The following NOTCH2 variants were observed in gnomAD, a reference collection of about 807,000 sequenced individuals.
The protein encoded by NOTCH2 is notch receptor 2.
A neutral mutation model predicts 235.8 loss-of-function variants in NOTCH2; 29 were observed. The ratio of observed to expected loss-of-function variants is 0.12; its 90% CI spans 0.09 to 0.17. The LOEUF (loss-of-function observed/expected upper bound fraction) is 0.17. NOTCH2 is among the 10% of genes least tolerant of loss of function. The pLI is 1.00. For synonymous variants in NOTCH2, 1,086 were observed against 1,141.5 expected (o/e 0.95, Z 0.98); for missense variants, 2,285 against 3,150.2 (o/e 0.73, Z 6.57).
Position 119,963,166 on chromosome 1 carries a change from A to AGAAGGAAGGAAGGAAG in NOTCH2, c.1915+407_1915+408insCTTCCTTCCTTCCTTC, listed in dbSNP as rs782001960. Among the ~76,000 whole-genome samples, 86 of 93,642 alleles carry AGAAGGAAGGAAGGAAG rather than the reference A, an allele frequency of 9.2e-4. 1 individual carries two copies. Among genetic ancestry groups the AGAAGGAAGGAAGGAAG allele is most frequent in the African/African-American group, 2.3e-3 (82 of 35,202 alleles). The allele number at this position is 93,642 out of a possible 152,430, so 61.4% of individuals were successfully genotyped here. On this transcript the variant is annotated intron_variant, in intron 11 of 33. Coordinates refer to ENST00000256646, the MANE Select transcript of NOTCH2 (RefSeq NM_024408.4). Reference sequence around the variant, plus strand: ...TACATTAAAGGAAGGGAAGAAGGGAAGAAGGAAGGTAGGTAGGAAGGAAGG... The same window carrying AGAAGGAAGGAAGGAAG: ...TACATTAAAGGAAGGGAAGAAGGGAAGAAGGAAGGAAGGAAGGAAGGAAGGTAGGTAGGAAGGAAGG...
At chr1:119,935,103 C>A (rs907619375) in intron 22 of NOTCH2, 2 of 985,116 alleles carry the variant, frequency 2.0e-6, no homozygotes, top group African/African-American at 3.5e-5. Flanking sequence ...TAAAAAAATA[C>A]AAAAGCAGGT....
Position 119,914,765 on chromosome 1 carries a change from T to C in NOTCH2, c.*541A>G, listed in dbSNP as rs985369641. 3 of 254,248 alleles carry C rather than the reference T, an allele frequency of 1.2e-5. No homozygotes were observed. The highest frequency in any genetic ancestry group is 2.2e-5 in the African/African-American group (1 of 45,710). 15.7% of individuals were successfully genotyped at this position (254,248 alleles called of 1,614,324 possible). On this transcript the variant is annotated 3_prime_UTR_variant, in exon 34 of 34. Coordinates refer to ENST00000256646, the MANE Select transcript of NOTCH2 (RefSeq NM_024408.4). ...AAGTTGCTTTCATGGGCCAGAATGATCAAAAGCACAAAGGTCTTGCCCTAT... is the reference window on the plus strand; with the variant it reads ...AAGTTGCTTTCATGGGCCAGAATGACCAAAAGCACAAAGGTCTTGCCCTAT...
intron 3 of NOTCH2, among the ~76,000 whole-genome samples, chr1:120,003,443 T>G (rs1553205795): frequency 2.0e-5 from 3 of 151,660 alleles, no homozygotes; most frequent in Non-Finnish European, 4.4e-5. Flanking sequence ...ATATATTCCA[T>G]TAGTTCCATC....
chr1:119,972,868 T>G (rs1651419106), intron 5 of NOTCH2, among the ~76,000 whole-genome samples: 1 of 152,202 alleles, frequency 6.6e-6, no homozygotes, highest in East Asian at 1.9e-4. Context: ...CATCTCTGCA[T>G]GTCTCGGGCT....
Position 119,950,818 on chromosome 1 carries a change from A to C in NOTCH2, c.2385T>G (p.Asn795Lys), listed in dbSNP as rs1650443318. 6.2e-7 allele frequency: 1 copy of C among 1,613,294 alleles called. No homozygotes were observed. The highest frequency in any genetic ancestry group is 8.5e-7 in the Non-Finnish European group (1 of 1,179,282). ...KGFKGYNCQV[N>K]IDECASNPCL... ...ATGGATTTGAGGCACATTCATCAAT[A>C]TTCACCTGGCAGTTATAGCCTGTAG... Residue 795 changes from asparagine to lysine, a missense_variant, in exon 15 of 34, where the codon AAT becomes AAG. By Grantham distance (94) the Asn-to-Lys change is moderately conservative (BLOSUM62 0). Transcript: ENST00000256646.
rs1652670614 is a variant in NOTCH2 at position 119,999,970 on chromosome 1, A to AG, written c.416-2639dup. Among the ~76,000 whole-genome samples the AG allele has an allele frequency of 6.6e-3, 650 of 98,100 alleles. 3 individuals are homozygous for AG. Among genetic ancestry groups the AG allele is most frequent in the East Asian group, 8.9e-3 (33 of 3,702 alleles). The allele number at this position is 98,100 out of a possible 152,430, so 64.4% of individuals were successfully genotyped here. A position where few individuals can be genotyped will look rare whatever the true frequency, so the allele number is the denominator to read the frequency against. On this transcript the variant is annotated intron_variant, in intron 3 of 33. Transcript: ENST00000256646. ...AAGAAAGAAAGAAAGAAAGAAAGAA[A>AG]GAAAGAAAGGAAGGAAGGAAGGAAG...
intron 17 of NOTCH2, among the ~76,000 whole-genome samples, chr1:119,943,562 T>C (rs1650142772): frequency 6.6e-6 from 1 of 152,180 alleles, no homozygotes; most frequent in Non-Finnish European, 1.5e-5. Context: ...TTGAACTATG[T>C]CCAAATAATT....
rs587657981 is a variant in NOTCH2, at chr1:120,004,797, G to T, written c.415+532C>A. ...GTGTACATATTTTTTTTTTGAGACA[G>T]GGTCTCACTCTGTCACCCAGGCTAG... On this transcript the variant is annotated intron_variant, in intron 3 of 33. Transcript: ENST00000256646. 5.9e-5 allele frequency among the ~76,000 whole-genome samples: 9 copies of T among 152,024 alleles called. No individual in the cohort carries two copies. The South Asian group carries it at 1.9e-3, about 32-fold the overall frequency.
intron 2 of NOTCH2, among the ~76,000 whole-genome samples, chr1:120,011,065 CA>C (rs1653171424): frequency 6.6e-6 from 1 of 152,130 alleles, no homozygotes; most frequent in Non-Finnish European, 1.5e-5. Flanking sequence ...CCAGAATATG[CA>C]AAACCGTAGA....
intron 2 of NOTCH2, among the ~76,000 whole-genome samples, chr1:120,028,838 C>T (rs1653973594): frequency 1.3e-5 from 2 of 148,962 alleles, no homozygotes; most frequent in Non-Finnish European, 3.0e-5. Flanking sequence ...TTTATTTCTC[C>T]AGCATCTTCC....
At position 119,913,945 on chromosome 1, in the gene NOTCH2, T is replaced by C. The variant is rs1393208885; in HGVS notation, c.*1361A>G. On this transcript the variant is annotated 3_prime_UTR_variant, in exon 34 of 34. Coordinates refer to ENST00000256646, the MANE Select transcript of NOTCH2 (RefSeq NM_024408.4). ...CCTGCACTTGAACATATAAAGTCCA[T>C]GTCTTCAGTGAGAACATACTGGGTA... The C allele has an allele frequency of 4.3e-6, 1 of 232,888 alleles. No individual in the cohort carries two copies. The highest frequency in any genetic ancestry group is 8.5e-6 in the Non-Finnish European group (1 of 117,922). The allele number at this position is 232,888 out of a possible 1,614,324, so 14.4% of individuals were successfully genotyped here.
intron 1 of NOTCH2, among the ~76,000 whole-genome samples, chr1:120,037,634 A>G (rs1333847392): frequency 1.3e-5 from 2 of 152,094 alleles, no homozygotes; most frequent in Non-Finnish European, 2.9e-5. Context: ...AAGTGGAGAA[A>G]CATCTGTCTT....
chr1:120,022,943 T>C lies in NOTCH2; in HGVS notation c.155+6963A>G, dbSNP rs1653685231. 2.7e-5 allele frequency among the ~76,000 whole-genome samples: 4 copies of C among 146,620 alleles called. No homozygotes were observed. The Admixed American group carries it at 2.7e-4, about 10-fold the overall frequency. On this transcript the variant is annotated intron_variant, in intron 2 of 33. Coordinates refer to ENST00000256646, the MANE Select transcript of NOTCH2 (RefSeq NM_024408.4). ...TCAGGTTAGCTACAGAGTGATGGGATCTTGAGTGAATTATTTAACTTCTCT... is the reference window on the plus strand; with the variant it reads ...TCAGGTTAGCTACAGAGTGATGGGACCTTGAGTGAATTATTTAACTTCTCT...
In NOTCH2 at chr1:119,968,838, C is replaced by G. The variant is rs375564581; in HGVS notation, c.1109-606G>C. ...ACTGGATTTTCCAGTCTGCAATTAA[C>G]TTAAGAAGAGGTAACTAAAGCTTCT... On this transcript the variant is annotated intron_variant, in intron 6 of 33. Coordinates refer to ENST00000256646, the MANE Select transcript of NOTCH2 (RefSeq NM_024408.4). Among the ~76,000 whole-genome samples the G allele has an allele frequency of 2.1e-4, 32 of 152,286 alleles. No homozygotes were observed. In the South Asian group the frequency reaches 2.3e-3, roughly 11 times the overall value.
chr1:120,045,928 A>G (rs1194230460), intron 1 of NOTCH2, among the ~76,000 whole-genome samples: 2 of 152,298 alleles, frequency 1.3e-5, no homozygotes, highest in African/African-American at 4.8e-5. Flanking sequence ...AAGAAATTTT[A>G]AAACATCTCC....
intron 17 of NOTCH2, among the ~76,000 whole-genome samples, chr1:119,946,303 T>C (rs1288660426): frequency 6.6e-6 from 1 of 152,098 alleles, no homozygotes; most frequent in African/African-American, 2.4e-5. Flanking sequence ...TCCTGATATG[T>C]TCTATGAGGA....
intron 1 of NOTCH2, among the ~76,000 whole-genome samples, chr1:120,044,307 A>AG (rs1483131412): frequency 5.7e-5 from 6 of 105,392 alleles, no homozygotes; most frequent in South Asian, 8.0e-4. Flanking sequence ...ATCAACTCAG[A>AG]GGGGGAAAAA....
At position 119,949,037 on chromosome 1, in the gene NOTCH2, A is replaced by T; in HGVS notation, c.2569T>A (p.Tyr857Asn). ...CAGCCAGGAGCACACAAGCAAGTAT[A>T]ACTCTCAAAATTTGGTGACTCTTTG... ...VCKESPNFES[Y>N]TCLCAPGWQG... Residue 857 changes from tyrosine to asparagine, a missense_variant, in exon 16 of 34, where the codon TAT becomes AAT. Coordinates refer to ENST00000256646, the MANE Select transcript of NOTCH2 (RefSeq NM_024408.4). 6.2e-7 allele frequency: 1 copy of T among 1,614,220 alleles called. No individual in the cohort carries two copies. Among genetic ancestry groups the T allele is most frequent in the South Asian group, 1.1e-5 (1 of 91,086 alleles).
At chr1:119,989,121 G>A (rs782361344) in intron 4 of NOTCH2, among the ~76,000 whole-genome samples, 7 of 152,184 alleles carry the variant, frequency 4.6e-5, no homozygotes, top group African/African-American at 9.7e-5. Context: ...AACTGTCTAG[G>A]CTCAACTCTC....
Sources: allele counts gnomAD v4.1 joint callset (sites outside exome capture counted in the v4.1 genomes callset), GRCh38; gene constraint gnomAD v4.1.1; transcripts MANE v1.5; gene names NCBI Gene and HGNC (gene_info 2026-07-23, HGNC 2026-07-21).